The following PRR5 variants were observed in gnomAD, a reference collection of about 807,000 sequenced individuals.
PRR5 encodes the protein proline-rich protein 5.
PRR5 carries 25 observed loss-of-function variants against 30.6 expected under a neutral mutation model. The observed-to-expected ratio is 0.82, with a 90% CI of 0.60 to 1.14. The LOEUF is 1.14. PRR5 is among the 50% of genes most tolerant of loss of function. The pLI, the probability that PRR5 is intolerant of heterozygous loss-of-function variation, is 0.00. For synonymous variants in PRR5, 286 were observed against 247.1 expected (o/e 1.16, Z -1.48); for missense variants, 600 against 547.1 (o/e 1.10, Z -0.96).
intron 1 of PRR5, among the ~76,000 whole-genome samples, chr22:44,711,245 A>G (rs56357941): frequency 0.46 from 70,544 of 151,908 alleles, 17,165 homozygotes; most frequent in East Asian, 0.62. Context: ...CCGTAAGCCA[A>G]GTAGACACTT....
intron 1 of PRR5, among the ~76,000 whole-genome samples, chr22:44,687,254 C>T (rs1348242145): frequency 6.6e-6 from 1 of 152,220 alleles, no homozygotes; most frequent in East Asian, 1.9e-4. Context: ...GGAAACCCAT[C>T]GCTTCAAACA....
upstream of PRR5, among the ~76,000 whole-genome samples, chr22:44,674,232 G>A (rs150318161): frequency 1.3e-5 from 2 of 151,708 alleles, no homozygotes; most frequent in East Asian, 1.9e-4. Flanking sequence ...ACCACATTCC[G>A]GGTAGCTGGG....
chr22:44,691,647 G>A lies in PRR5; in HGVS notation c.-10-10845G>A, dbSNP rs12628219. On this transcript the variant is annotated intron_variant, in intron 1 of 8. Coordinates refer to the PRR5 transcript ENST00000006251. This position sits in a 1 kb window ranked among gnomAD's most constrained non-coding sequence, Gnocchi z 4.4. ...AAACTAGCCAGGCGTGGTGGTGCAC[G>A]CCTGTAATCGCAGCTACTCAGGAGG... Among the ~76,000 whole-genome samples the A allele has an allele frequency of 5.5e-3, 841 of 152,244 alleles. 27 individuals carry two copies. In the East Asian group the frequency reaches 0.092, roughly 17 times the overall value.
intron 1 of PRR5, among the ~76,000 whole-genome samples, chr22:44,693,664 C>T (rs1340868991): frequency 7.2e-6 from 1 of 139,382 alleles, no homozygotes; most frequent in Non-Finnish European, 1.5e-5. Context: ...TGCTGTGTCA[C>T]CTAGGCTGGA....
Position 44,691,205 on chromosome 22 carries a change from C to T in PRR5, c.-10-11287C>T, listed in dbSNP as rs1925207266. Among the ~76,000 whole-genome samples, 1 of 152,034 alleles carries T rather than the reference C, an allele frequency of 6.6e-6. No homozygotes were observed. Among genetic ancestry groups the T allele is most frequent in the Non-Finnish European group, 1.5e-5 (1 of 68,002 alleles). On this transcript the variant is annotated intron_variant, in intron 1 of 8. Coordinates refer to the PRR5 transcript ENST00000006251. This position sits in a 1 kb window ranked among gnomAD's most constrained non-coding sequence, Gnocchi z 4.4. ...TCAGGTAGGAAGATCTGGGCTGCTT[C>T]CGGGAGGATTTGGGTAGAGAAAACC...
At chr22:44,731,949 G>T in intron 5 of PRR5, 128 bp downstream of exon 5, 1 of 1,056,968 alleles carries the variant, frequency 9.5e-7, no homozygotes, top group Non-Finnish European at 1.3e-6. Flanking sequence ...TGCTCTCCTT[G>T]GGCTACCTGA....
intron 6 of PRR5, among the ~76,000 whole-genome samples, chr22:44,732,680 C>T (rs140907183): frequency 6.6e-6 from 1 of 152,288 alleles, no homozygotes; most frequent in East Asian, 1.9e-4. Flanking sequence ...CACGCACATA[C>T]ACACTACACA....
rs2269573 is a variant in PRR5, at chr22:44,735,173, G to A, written c.691+11G>A. ...ATTCCTGCATCCTGGGTAGGGGTCC[G>A]CCTGGGCCTTGGGCTGGGGCAGGGG... On this transcript the variant is annotated intron_variant, in intron 7 of 7. Coordinates refer to ENST00000336985, the MANE Select transcript of PRR5 (RefSeq NM_181333.4). 97,517 of 1,610,034 alleles carry A rather than the reference G, an allele frequency of 0.061. 3,572 individuals are homozygous for A. The highest frequency in any genetic ancestry group is 0.19 in the East Asian group (8,350 of 44,664).
Position 44,702,395 on chromosome 22 carries a change from G to T in PRR5, c.-80G>T. 2 of 1,217,354 alleles carry T rather than the reference G, an allele frequency of 1.6e-6. No individual in the cohort carries two copies. Among genetic ancestry groups the T allele is most frequent in the South Asian group, 4.0e-5 (1 of 24,870 alleles). The allele number at this position is 1,217,354 out of a possible 1,614,324, so 75.4% of individuals were successfully genotyped here. A position where few individuals can be genotyped will look rare whatever the true frequency, so the allele number is the denominator to read the frequency against. ...GTTTCCGCGTAGAGGGCGCATCGCC[G>T]GCCCGGGGCCCTTGGTGCGGCGTGG... On this transcript the variant is annotated 5_prime_UTR_variant, in exon 1 of 8. Transcript: ENST00000336985.
Position 44,710,853 on chromosome 22 carries a change from CT to C in PRR5, c.135-3737del, listed in dbSNP as rs1277864404. Among the ~76,000 whole-genome samples, 6 of 152,302 alleles carry C rather than the reference CT, an allele frequency of 3.9e-5. 1 individual carries two copies. Among genetic ancestry groups the C allele is most frequent in the Admixed American group, 3.3e-4 (5 of 15,302 alleles). ...GCCAAGGTGTGGTAGATACAAGCCTCTCCCTGTAGCTTCACAGAAAAGGCCG... is the reference window on the plus strand; with the variant it reads ...GCCAAGGTGTGGTAGATACAAGCCTCCCCTGTAGCTTCACAGAAAAGGCCG... On this transcript the variant is annotated intron_variant, in intron 1 of 7. Transcript: ENST00000336985.
At chr22:44,716,733 C>T (rs1160585704) in intron 2 of PRR5, among the ~76,000 whole-genome samples, 1 of 152,162 alleles carries the variant, frequency 6.6e-6, no homozygotes, top group Non-Finnish European at 1.5e-5. Flanking sequence ...TTCTGCCCTA[C>T]CCCAGCTCTT....
intron 1 of PRR5, among the ~76,000 whole-genome samples, chr22:44,669,274 G>T (rs571729095): frequency 2.0e-5 from 3 of 152,284 alleles, no homozygotes; most frequent in South Asian, 4.1e-4. Flanking sequence ...GGCAAACAAA[G>T]ATGGTCGAGG....
intron 1 of PRR5, among the ~76,000 whole-genome samples, chr22:44,712,659 A>T (rs1430134758): frequency 6.6e-6 from 1 of 152,180 alleles, no homozygotes; most frequent in Non-Finnish European, 1.5e-5. Flanking sequence ...GTTAAAGCAG[A>T]TGAGGACGTT....
chr22:44,735,827 G>C (rs1176414264), intron 7 of PRR5, among the ~76,000 whole-genome samples: 1 of 152,242 alleles, frequency 6.6e-6, no homozygotes, highest in African/African-American at 2.4e-5. Flanking sequence ...CATCCAGAGG[G>C]GCTCCCCGTC....
rs1455381620 is a variant in PRR5 at position 44,732,858 on chromosome 22, ACGCACATAC to A, written c.555+468_555+476del. Among the ~76,000 whole-genome samples, 10 of 133,020 alleles carry A rather than the reference ACGCACATAC, an allele frequency of 7.5e-5. No individual in the cohort carries two copies. The East Asian group carries it at 1.7e-3, about 22-fold the overall frequency. 87.3% of individuals were successfully genotyped at this position (133,020 alleles called of 152,430 possible). ...ACTACACACGTGCACACACGTGCAC[ACGCACATAC>A]TACACACTGCACACACACACCACAC... On this transcript the variant is annotated intron_variant, in intron 6 of 7. Transcript: ENST00000336985.
At chr22:44,708,098 G>A (rs1927524280) in intron 1 of PRR5, among the ~76,000 whole-genome samples, 2 of 152,106 alleles carry the variant, frequency 1.3e-5, no homozygotes, top group South Asian at 4.1e-4. Flanking sequence ...ACTTTGGGAC[G>A]TTGAGGCAGG....
upstream of PRR5, among the ~76,000 whole-genome samples, chr22:44,674,986 C>T (rs1033554966): frequency 4.2e-5 from 6 of 143,414 alleles, no homozygotes; most frequent in East Asian, 2.2e-4. Context: ...CGGTGGCTCA[C>T]GCCTGTAATC....
chr22:44,736,909 A>G lies in PRR5; in HGVS notation c.829A>G (p.Ser277Gly), dbSNP rs950956217. The change falls in exon 8 of 8, where the codon AGC (serine) becomes GGC (glycine). Residue 277 changes from serine (S) to glycine (G), a missense_variant. Coordinates refer to ENST00000336985, the MANE Select transcript of PRR5 (RefSeq NM_181333.4). Reference sequence around the variant, plus strand: ...GGAGGGCGCGGCGGCCGGCGGTACCAGCATCCGCAGGCACTCTGTGTCGGA... The same window carrying G: ...GGAGGGCGCGGCGGCCGGCGGTACCGGCATCCGCAGGCACTCTGTGTCGGA... The part of the protein sequence containing the change: ...EAEGAAAGGT[S>G]IRRHSVSEMT... The G allele has an allele frequency of 2.5e-6, 4 of 1,608,374 alleles. No individual in the cohort carries two copies. Among genetic ancestry groups the G allele is most frequent in the Non-Finnish European group, 2.5e-6 (3 of 1,178,710 alleles).
chr22:44,688,003 G>C (rs1174891467), intron 1 of PRR5, among the ~76,000 whole-genome samples: 2 of 151,698 alleles, frequency 1.3e-5, no homozygotes, highest in African/African-American at 2.4e-5. Flanking sequence ...TCGAACTCCT[G>C]ACCTCAGGTG....
Sources: gnomAD v4.1 joint callset for allele counts (sites outside exome capture counted in the v4.1 genomes callset) on GRCh38, gnomAD v4.1.1 for gene constraint, Gnocchi (gnomAD v3.1) non-coding constraint, MANE v1.5 for transcripts, NCBI Gene and HGNC (gene_info 2026-07-23, HGNC 2026-07-21) for gene names.